CGREF1: variants seen among roughly 807,000 people sequenced by gnomAD.
CGREF1 encodes cell growth regulator with EF-hand domain 1.
CGREF1 carries 16 observed loss-of-function variants against 17.4 expected under a neutral mutation model. The ratio of observed to expected loss-of-function variants is 0.92; its 90% CI spans 0.62 to 1.40. The LOEUF is 1.40. CGREF1 is among the 40% of genes most tolerant of loss of function. The pLI is 0.00. For synonymous variants in CGREF1, 142 were observed against 154.6 expected (o/e 0.92, Z 0.61); for missense variants, 296 against 376.4 (o/e 0.79, Z 1.77).
At chr2:27,112,762 GT>G (rs1671437651) in intron 1 of CGREF1, among the ~76,000 whole-genome samples, 1 of 152,120 alleles carries the variant, frequency 6.6e-6, no homozygotes. Context: ...AACTCAGAAA[GT>G]TTAAAAGGAA....
chr2:27,115,867 T>C (rs1167897496), intron 1 of CGREF1, among the ~76,000 whole-genome samples: 1 of 152,234 alleles, frequency 6.6e-6, no homozygotes, highest in African/African-American at 2.4e-5. Flanking sequence ...CAATCTGGAA[T>C]GTCCTGGGCC....
At chr2:27,112,164 C>T (rs1671416313) in intron 1 of CGREF1, among the ~76,000 whole-genome samples, 1 of 152,114 alleles carries the variant, frequency 6.6e-6, no homozygotes, top group South Asian at 2.1e-4. Context: ...GTAGTCCTAG[C>T]TACTTGGGAA....
chr2:27,114,063 C>T (rs1282376816), intron 1 of CGREF1, among the ~76,000 whole-genome samples: 1 of 145,000 alleles, frequency 6.9e-6, no homozygotes, highest in East Asian at 2.0e-4. Context: ...GGCGTGATCT[C>T]GGCTCACTGC....
In CGREF1 at chr2:27,109,229, G is replaced by A. The variant is rs558802692; in HGVS notation, c.-11-4852C>T. ...TACAAAAAATAGGAAAAAATTAGCC[G>A]GGCATGGTGGGGTGTGCCTGTAGTC... On this transcript the variant is annotated intron_variant, in intron 1 of 5. Transcript: ENST00000402394. Among the ~76,000 whole-genome samples, 22 of 151,896 alleles carry A rather than the reference G, an allele frequency of 1.4e-4. No homozygotes were observed. The South Asian group carries it at 2.5e-3, about 17-fold the overall frequency.
chr2:27,110,392 T>C (rs988432893), intron 1 of CGREF1, among the ~76,000 whole-genome samples: 1 of 88,794 alleles, frequency 1.1e-5, no homozygotes, highest in Non-Finnish European at 2.2e-5. Context: ...ACAGTCAGAC[T>C]ATCTCCAAAA....
At chr2:27,105,920 G>A (rs1671103988) in intron 1 of CGREF1, among the ~76,000 whole-genome samples, 1 of 152,172 alleles carries the variant, frequency 6.6e-6, no homozygotes, top group Non-Finnish European at 1.5e-5. Flanking sequence ...GTGTCTATAA[G>A]CCCCAGTAGC....
intron 2 of CGREF1, chr2:27,102,999 T>C: frequency 2.0e-6 from 2 of 985,280 alleles, no homozygotes; most frequent in South Asian, 4.7e-5. Flanking sequence ...CACTGCCCAG[T>C]TTTATATAGA....
intron 1 of CGREF1, among the ~76,000 whole-genome samples, chr2:27,115,429 A>T (rs1309241933): frequency 6.6e-6 from 1 of 152,134 alleles, no homozygotes; most frequent in African/African-American, 2.4e-5. Flanking sequence ...GGGTAAATTA[A>T]TTTTTCTCAC....
intron 2 of CGREF1, 24 bp from the exon 3 acceptor site, chr2:27,102,615 G>A (rs372505551): frequency 3.8e-6 from 6 of 1,599,836 alleles, no homozygotes; most frequent in Non-Finnish European, 5.1e-6. Context: ...GGGAGGACCA[G>A]CCTTGCAGAG....
chr2:27,099,881 CTG>C, downstream of CGREF1: 1 of 1,546,906 alleles, frequency 6.5e-7, no homozygotes, highest in Non-Finnish European at 8.7e-7. Flanking sequence ...AGGACTCTGC[CTG>C]TGTCCTGTGT....
At chr2:27,111,614 G>A (rs1373975572) in intron 1 of CGREF1, among the ~76,000 whole-genome samples, 4 of 152,200 alleles carry the variant, frequency 2.6e-5, no homozygotes, top group Non-Finnish European at 5.9e-5. Flanking sequence ...CGGCAGTGGG[G>A]AGGCTCAGGC....
rs1334619569 is a variant in CGREF1, at chr2:27,100,898, C to T, written c.*376G>A. The T allele has an allele frequency of 6.4e-6, 7 of 1,090,636 alleles. No individual in the cohort carries two copies. Among genetic ancestry groups the T allele is most frequent in the East Asian group, 1.5e-4 (2 of 13,682 alleles). 67.6% of individuals were successfully genotyped at this position (1,090,636 alleles called of 1,614,324 possible). A position where few individuals can be genotyped will look rare whatever the true frequency, so the allele number is the denominator to read the frequency against. ...TGAGGGTTTGGGGCCCAGGGATAGA[C>T]TGAGCTTTCCTCACTGGGTCCTCTG... is the stretch of plus-strand genomic sequence containing the variant. On this transcript the variant is annotated 3_prime_UTR_variant, in exon 6 of 6. Transcript: ENST00000402394.
intron 2 of CGREF1, 28 bp from the exon 3 acceptor site, chr2:27,102,619 T>C: frequency 6.3e-7 from 1 of 1,597,576 alleles, no homozygotes; most frequent in Non-Finnish European, 8.5e-7. Flanking sequence ...GGACCAGCCT[T>C]GCAGAGAGCC....
chr2:27,103,044 C>T, intron 2 of CGREF1: 1 of 985,342 alleles, frequency 1.0e-6, no homozygotes, highest in Non-Finnish European at 1.2e-6. Context: ...TTGACCTATA[C>T]TTTTTCCAGG....
Position 27,105,533 on chromosome 2 carries a change from A to G in CGREF1, c.-11-1156T>C, listed in dbSNP as rs1671084764. ...AGATGAAGCTACCTAGAGTCACAGA[A>G]CCTGTCATTTTTCTTTTTTTTCTTT... On this transcript the variant is annotated intron_variant, in intron 1 of 5. Coordinates refer to ENST00000402394, the MANE Select transcript of CGREF1 (RefSeq NM_006569.6). Among the ~76,000 whole-genome samples the G allele has an allele frequency of 5.5e-5, 7 of 126,686 alleles. No individual in the cohort carries two copies. In the South Asian group the frequency reaches 2.1e-3, roughly 38 times the overall value. 83.1% of individuals were successfully genotyped at this position (126,686 alleles called of 152,430 possible). A position where few individuals can be genotyped will look rare whatever the true frequency, so the allele number is the denominator to read the frequency against.
At chr2:27,102,027 G>A (rs557629978) in intron 5 of CGREF1, 70 bp downstream of exon 5, 2 of 1,560,672 alleles carry the variant, frequency 1.3e-6, no homozygotes, top group Admixed American at 1.9e-5. Flanking sequence ...AAAGAGTTAT[G>A]ATGAGAAAGA....
In CGREF1 at chr2:27,104,418, G is replaced by A. The variant is rs369155217; in HGVS notation, c.-11-41C>T. On this transcript the variant is annotated intron_variant, in intron 1 of 5. Transcript: ENST00000402394. ...GAATCAGGGGTCGGGGGAAAGAGGC[G>A]TCTGCCACCGTGTCACAGATGGGCT... 7.7e-4 allele frequency: 1,232 copies of A among 1,604,880 alleles called. 7 individuals carry two copies. The highest frequency in any genetic ancestry group is 5.3e-3 in the South Asian group (478 of 89,370).
chr2:27,101,335 GA>G lies in CGREF1; in HGVS notation c.895del (p.Ser299LeufsTer23). 1 of 1,606,150 alleles carries G rather than the reference GA, an allele frequency of 6.2e-7. No homozygotes were observed. Among genetic ancestry groups the G allele is most frequent in the Non-Finnish European group, 8.5e-7 (1 of 1,175,536 alleles). On this transcript the variant is annotated frameshift_variant, in exon 6 of 6. Coordinates refer to ENST00000402394, the MANE Select transcript of CGREF1 (RefSeq NM_006569.6). LOFTEE classifies it low-confidence loss of function (END_TRUNC). Reference sequence around the variant, plus strand: ...CTCAAAGTCATTTTGGGTGTTCTTAGACTCCAGTGTTTCCCCTGGAAGTTCC... The same window carrying G: ...CTCAAAGTCATTTTGGGTGTTCTTAGCTCCAGTGTTTCCCCTGGAAGTTCC... ...AKELPGETLESKNTQNDFEVH... is the reference protein window; with the variant it reads ...AKELPGETLEXKNTQNDFEVH...
At position 27,102,482 on chromosome 2, in the gene CGREF1, G is replaced by A. The variant is rs530375855; in HGVS notation, c.146+44C>T. The A allele has an allele frequency of 7.4e-6, 12 of 1,613,300 alleles. No homozygotes were observed. In the African/African-American group the frequency reaches 1.3e-4, roughly 18 times the overall value. On this transcript the variant is annotated intron_variant, in intron 3 of 5. Coordinates refer to ENST00000402394, the MANE Select transcript of CGREF1 (RefSeq NM_006569.6). ...GGGAGAGGTGAGTCTGCAGCCCTGGGCCTGGTCTTCTCCCTGAAAGCACCC... is the reference window on the plus strand; with the variant it reads ...GGGAGAGGTGAGTCTGCAGCCCTGGACCTGGTCTTCTCCCTGAAAGCACCC...
Sources: gnomAD v4.1 joint callset for allele counts (sites outside exome capture counted in the v4.1 genomes callset) on GRCh38, gnomAD v4.1.1 for gene constraint, MANE v1.5 for transcripts, NCBI Gene and HGNC (gene_info 2026-07-23, HGNC 2026-07-21) for gene names.